RGPD2: variants seen among roughly 807,000 people sequenced by gnomAD.
RGPD2 encodes the protein RANBP2-like and GRIP domain-containing protein 2.
A neutral mutation model predicts 36.0 loss-of-function variants in RGPD2; 2 were observed. The ratio of observed to expected loss-of-function variants is 0.06; its 90% CI spans 0.02 to 0.17. RGPD2 has a LOEUF of 0.17. Ranked by LOEUF, RGPD2 falls within the 10% of genes least tolerant of loss-of-function variation. The pLI, the probability that RGPD2 is intolerant of heterozygous loss-of-function variation, is 1.00. For missense variants in RGPD2, 40 were observed against 464.3 expected, an observed-to-expected ratio of 0.09 and a Z score of 8.40; for synonymous variants, 19 against 163.8, an observed-to-expected ratio of 0.12 and a Z score of 6.75.
intron 1 of RGPD2, among the ~76,000 whole-genome samples, chr2:87,823,938 TAAG>T (rs1316222246): frequency 1.5e-5 from 2 of 136,592 alleles, no homozygotes; most frequent in Non-Finnish European, 3.1e-5. Context: ...AGCTGCAGAA[TAAG>T]AAACCAACTT....
chr2:87,915,678 C>G, the RGPD2 span, among the ~76,000 whole-genome samples: 1 of 145,876 alleles, frequency 6.9e-6, no homozygotes, highest in African/African-American at 2.5e-5. Flanking sequence ...ATATATCTCC[C>G]TTTTCAACCA....
At chr2:87,882,097 A>G in the RGPD2 span, among the ~76,000 whole-genome samples, 1 of 152,390 alleles carries the variant, frequency 6.6e-6, no homozygotes, top group East Asian at 1.9e-4. Context: ...TCCATGACAT[A>G]AACCACTCCC....
chr2:87,837,404 A>T, the RGPD2 span, among the ~76,000 whole-genome samples: 1 of 144,882 alleles, frequency 6.9e-6, no homozygotes, highest in African/African-American at 2.5e-5. Flanking sequence ...ATAGAAATCA[A>T]TATCAATAAG....
chr2:87,914,330 T>G, the RGPD2 span, among the ~76,000 whole-genome samples: 1 of 72,314 alleles, frequency 1.4e-5, no homozygotes, highest in Non-Finnish European at 2.7e-5. Context: ...TCAAGGAAAT[T>G]TTAACAGTCT....
At chr2:87,877,698 G>T in the RGPD2 span, among the ~76,000 whole-genome samples, 1 of 151,676 alleles carries the variant, frequency 6.6e-6, no homozygotes, top group Non-Finnish European at 1.5e-5. Flanking sequence ...CCAGCTACTC[G>T]GGAGTCTGAG....
the RGPD2 span, among the ~76,000 whole-genome samples, chr2:87,883,084 T>C: frequency 6.6e-6 from 1 of 152,178 alleles, no homozygotes; most frequent in Non-Finnish European, 1.5e-5. Flanking sequence ...TATTATAAAG[T>C]GTAAAAACAA....
At chr2:87,911,611 C>A in the RGPD2 span, among the ~76,000 whole-genome samples, 1 of 151,492 alleles carries the variant, frequency 6.6e-6, no homozygotes, top group Non-Finnish European at 1.5e-5. Context: ...TAGGAAATAA[C>A]CTGATGAATC....
At chr2:87,879,107 T>G in the RGPD2 span, among the ~76,000 whole-genome samples, 3 of 152,212 alleles carry the variant, frequency 2.0e-5, no homozygotes, top group Non-Finnish European at 4.4e-5. Flanking sequence ...GTAGTGGAAT[T>G]TTATAATTAT....
the RGPD2 span, among the ~76,000 whole-genome samples, chr2:87,905,790 C>T: frequency 3.6e-5 from 4 of 112,534 alleles, no homozygotes; most frequent in South Asian, 1.2e-3. Flanking sequence ...GTTTATTTTT[C>T]ATTATTTTAT....
At chr2:87,760,644 G>T in intron 22 of RGPD2, among the ~76,000 whole-genome samples, 1 of 11,900 alleles carries the variant, frequency 8.4e-5, no homozygotes, top group African/African-American at 2.5e-4. Context: ...TTGAGACAGA[G>T]TCTTGCTCTG....
chr2:87,771,172 C>T (rs1223150629), intron 22 of RGPD2, among the ~76,000 whole-genome samples: 1 of 480 alleles, frequency 2.1e-3, no homozygotes, highest in Non-Finnish European at 3.4e-3. Flanking sequence ...AGATGGGTGA[C>T]AACTCAAGAG....
At chr2:87,885,081 A>G in the RGPD2 span, among the ~76,000 whole-genome samples, 2 of 152,084 alleles carry the variant, frequency 1.3e-5, no homozygotes, top group African/African-American at 4.8e-5. Flanking sequence ...GTTCAATTTA[A>G]GATTTTTTAA....
chr2:87,947,336 A>C, the RGPD2 span, among the ~76,000 whole-genome samples: 1 of 152,200 alleles, frequency 6.6e-6, no homozygotes, highest in African/African-American at 2.4e-5. Flanking sequence ...GGGTTAAAAG[A>C]ATGGACTCAG....
chr2:87,963,954 G>A, the RGPD2 span, among the ~76,000 whole-genome samples: 3 of 145,228 alleles, frequency 2.1e-5, no homozygotes, highest in East Asian at 2.0e-4. Flanking sequence ...TTGTGCCTCA[G>A]CCTCCCGAGT....
chr2:87,963,317 TAATA>T, the RGPD2 span, among the ~76,000 whole-genome samples: 1 of 118,840 alleles, frequency 8.4e-6, no homozygotes, highest in Admixed American at 1.0e-4. Context: ...TTGTATTAAC[TAATA>T]TCATTCTTCC....
the RGPD2 span, among the ~76,000 whole-genome samples, chr2:87,834,166 T>C: frequency 6.9e-6 from 1 of 145,130 alleles, no homozygotes; most frequent in African/African-American, 2.6e-5. Context: ...TGATTCACCA[T>C]GAACAGAGAA....
chr2:87,857,664 C>T, the RGPD2 span, among the ~76,000 whole-genome samples: 243 of 149,100 alleles, frequency 1.6e-3, no homozygotes, highest in African/African-American at 3.2e-3. Context: ...CGAGGCTAGG[C>T]GCGGTGTCTC....
the RGPD2 span, among the ~76,000 whole-genome samples, chr2:87,955,158 CG>C: frequency 1.2e-5 from 1 of 85,394 alleles, no homozygotes; most frequent in Non-Finnish European, 2.2e-5. Context: ...GGACTACAGG[CG>C]CCCCGCCACA....
At chr2:87,894,623 A>G in the RGPD2 span, among the ~76,000 whole-genome samples, 2 of 152,044 alleles carry the variant, frequency 1.3e-5, no homozygotes, top group Non-Finnish European at 1.5e-5. Context: ...AGCAATTAGC[A>G]AGATTAAGTG....
Sources: gnomAD v4.1 joint callset for allele counts (sites outside exome capture counted in the v4.1 genomes callset) on GRCh38, gnomAD v4.1.1 for gene constraint, MANE v1.5 for transcripts, NCBI Gene and HGNC (gene_info 2026-07-23, HGNC 2026-07-21) for gene names.